The following RIN3 variants were observed in gnomAD, a reference collection of about 807,000 sequenced individuals.
RIN3 encodes RAB5 interacting protein 3.
In RIN3, 54 loss-of-function variants were observed where a neutral mutation model predicts 76.3. The observed-to-expected ratio is 0.71, with a 90% CI of 0.57 to 0.89. The LOEUF (loss-of-function observed/expected upper bound fraction) is 0.89. Among genes scored for constraint, RIN3 ranks in the 40% least tolerant of loss-of-function variants. The pLI is 0.00. For synonymous variants in RIN3, 576 were observed against 564.0 expected, an observed-to-expected ratio of 1.02 and a Z score of -0.30; for missense variants, 1,256 against 1,322.1, an observed-to-expected ratio of 0.95 and a Z score of 0.78.
chr14:92,591,591 G>A (rs1884981158), intron 3 of RIN3, among the ~76,000 whole-genome samples: 1 of 151,918 alleles, frequency 6.6e-6, no homozygotes, highest in African/African-American at 2.4e-5. Context: ...GCCAGAGGGG[G>A]GAGAAAAACA....
In RIN3 at chr14:92,676,394, C is replaced by T. The variant is rs964353026; in HGVS notation, c.2336-81C>T. 3.3e-6 allele frequency: 5 copies of T among 1,525,616 alleles called. No homozygotes were observed. The African/African-American group carries it at 5.5e-5, about 17-fold the overall frequency. 94.5% of individuals were successfully genotyped at this position (1,525,616 alleles called of 1,614,324 possible). A position where few individuals can be genotyped will look rare whatever the true frequency, so the allele number is the denominator to read the frequency against. ...GGATCGCCATCCACACTCAGCAAAC[C>T]ACTGTCCCCTACCCTGGGCAGAGAG... On this transcript the variant is annotated intron_variant, in intron 7 of 9. Transcript: ENST00000216487.
intron 3 of RIN3, among the ~76,000 whole-genome samples, chr14:92,579,007 A>T (rs1308486640): frequency 2.0e-5 from 3 of 151,520 alleles, no homozygotes; most frequent in Admixed American, 2.0e-4. Flanking sequence ...GGCTCACTGC[A>T]ACCTCCGCCT....
chr14:92,554,151 C>T (rs1057448863), intron 1 of RIN3, among the ~76,000 whole-genome samples: 1 of 152,092 alleles, frequency 6.6e-6, no homozygotes, highest in Non-Finnish European at 1.5e-5. Context: ...CTGCAGGTAC[C>T]TTGAGAGACT....
chr14:92,608,714 T>C (rs1752294545), intron 3 of RIN3, among the ~76,000 whole-genome samples: 1 of 152,094 alleles, frequency 6.6e-6, no homozygotes, highest in Admixed American at 6.5e-5. Context: ...TTTGTATTTT[T>C]GATAGAGACA....
chr14:92,552,866 G>T (rs73328313), intron 1 of RIN3, among the ~76,000 whole-genome samples: 12,398 of 151,442 alleles, frequency 0.082, 882 homozygotes, highest in East Asian at 0.39. Context: ...AAGGTTTTGG[G>T]TTTTTTTTAA....
intron 1 of RIN3, among the ~76,000 whole-genome samples, chr14:92,549,645 A>T (rs954602374): frequency 3.9e-5 from 6 of 152,160 alleles, no homozygotes; most frequent in African/African-American, 1.2e-4. Flanking sequence ...GCCCTCCTTT[A>T]GGGAACTGGT....
chr14:92,519,486 A>G (rs922136868), intron 1 of RIN3, among the ~76,000 whole-genome samples: 6 of 152,146 alleles, frequency 3.9e-5, no homozygotes. Flanking sequence ...CTGCCTGGCC[A>G]TCAGCTGTGG....
At position 92,629,005 on chromosome 14, in the gene RIN3, C is replaced by A. The variant is rs541651301; in HGVS notation, c.441-12233C>A. Reference sequence around the variant, plus strand: ...GTCCCTTAAGTGAACCAGGCAGTGGCATTTAGGCTTCTCCACATGGAAACG... The same window carrying A: ...GTCCCTTAAGTGAACCAGGCAGTGGAATTTAGGCTTCTCCACATGGAAACG... On this transcript the variant is annotated intron_variant, in intron 4 of 9. Transcript: ENST00000216487. Among the ~76,000 whole-genome samples, 8 of 152,166 alleles carry A rather than the reference C, an allele frequency of 5.3e-5. No homozygotes were observed. The East Asian group carries it at 1.5e-3, about 29-fold the overall frequency.
chr14:92,583,277 T>G (rs1383818750), intron 3 of RIN3, among the ~76,000 whole-genome samples: 2 of 152,236 alleles, frequency 1.3e-5, no homozygotes, highest in Non-Finnish European at 2.9e-5. Context: ...GGTAGCCAGC[T>G]TGATCTGTGA....
At chr14:92,578,203 T>C (rs1898313726) in intron 3 of RIN3, among the ~76,000 whole-genome samples, 1 of 150,392 alleles carries the variant, frequency 6.6e-6, no homozygotes, top group African/African-American at 2.5e-5. Flanking sequence ...GCTACTGCAT[T>C]CCATCCTGGG....
chr14:92,649,197 T>A (rs1024264804), intron 5 of RIN3, among the ~76,000 whole-genome samples: 1 of 152,138 alleles, frequency 6.6e-6, no homozygotes, highest in Non-Finnish European at 1.5e-5. Flanking sequence ...GGGTGAGCAG[T>A]CATGGGGTGT....
At chr14:92,523,076 TTA>T (rs1457681473) in intron 1 of RIN3, among the ~76,000 whole-genome samples, 7 of 152,210 alleles carry the variant, frequency 4.6e-5, no homozygotes, top group Non-Finnish European at 8.8e-5. Flanking sequence ...TACCAGTTTT[TTA>T]TGAGAGGAAT....
chr14:92,634,170 GTTCAAGCAATTC>G (rs921480961), intron 4 of RIN3, among the ~76,000 whole-genome samples: 4 of 147,836 alleles, frequency 2.7e-5, no homozygotes, highest in African/African-American at 7.5e-5. Context: ...CGCCTCCTGG[GTTCAAGCAATTC>G]TCCTGCCTCA....
intron 1 of RIN3, among the ~76,000 whole-genome samples, chr14:92,543,366 T>C (rs57475476): frequency 0.15 from 22,259 of 152,124 alleles, 3,931 homozygotes; most frequent in African/African-American, 0.42. Context: ...GAATTGCTTC[T>C]CGGAATGGGT....
Position 92,555,760 on chromosome 14 carries a change from A to T in RIN3, c.54A>T (p.Pro18=), listed in dbSNP as rs1377333525. ...GAATTCTGTTTTTCAGTCCGGTTCC[A>T]GTTGTTGGCAAAGGAGAGGAAGAGG... The part of the protein sequence containing the change: ...PARGDPTGPV[P]VVGKGEEEEE... Residue 18 remains proline, a synonymous_variant, in exon 2 of 10, where the codon CCA becomes CCT. Coordinates refer to ENST00000216487, the MANE Select transcript of RIN3 (RefSeq NM_024832.5). The T allele has an allele frequency of 2.5e-6, 4 of 1,614,018 alleles. No homozygotes were observed. In the East Asian group the frequency reaches 8.9e-5, roughly 36 times the overall value.
At chr14:92,564,047 C>A (rs1897853120) in intron 2 of RIN3, among the ~76,000 whole-genome samples, 1 of 152,198 alleles carries the variant, frequency 6.6e-6, no homozygotes, top group Non-Finnish European at 1.5e-5. Context: ...CTCAGAAGAG[C>A]CAGACACTTC....
intron 4 of RIN3, among the ~76,000 whole-genome samples, chr14:92,617,433 T>A (rs1477425032): frequency 6.6e-6 from 1 of 152,190 alleles, no homozygotes; most frequent in African/African-American, 2.4e-5. Context: ...CATTTTGGGT[T>A]TCTGGTCTTA....
chr14:92,647,099 A>T (rs1393278894), intron 5 of RIN3, among the ~76,000 whole-genome samples: 1 of 152,208 alleles, frequency 6.6e-6, no homozygotes, highest in Non-Finnish European at 1.5e-5. Flanking sequence ...TCATTTTCCT[A>T]TGAGAAGAAT....
chr14:92,519,295 T>G (rs1896528026), intron 1 of RIN3, among the ~76,000 whole-genome samples: 1 of 152,248 alleles, frequency 6.6e-6, no homozygotes, highest in African/African-American at 2.4e-5. Context: ...TTGTTATTGC[T>G]GTGGTTTTAT....
Sources: gnomAD v4.1 joint callset for allele counts (sites outside exome capture counted in the v4.1 genomes callset) on GRCh38, gnomAD v4.1.1 for gene constraint, MANE v1.5 for transcripts, NCBI Gene and HGNC (gene_info 2026-07-23, HGNC 2026-07-21) for gene names.